Variants in ITPKC observed in about 807,000 individuals in gnomAD.
ITPKC encodes IP3 3-kinase C.
In ITPKC, 33 loss-of-function variants were observed where a neutral mutation model predicts 67.1. The observed-to-expected ratio is 0.49, with a 90% CI of 0.37 to 0.66. The LOEUF (loss-of-function observed/expected upper bound fraction) is 0.66, where lower values mean the gene tolerates loss of function less well. ITPKC is among the 30% of genes least tolerant of loss of function. The probability of loss-of-function intolerance (pLI) is 0.00; values close to 1 mark genes in which losing one functional copy is unlikely to be tolerated. For missense variants in ITPKC, 820 were observed against 892.1 expected, an observed-to-expected ratio of 0.92 and a Z score of 1.03; for synonymous variants, 341 against 359.8, an observed-to-expected ratio of 0.95 and a Z score of 0.59.
At chr19:40,725,871 A>C (rs547947424) in intron 2 of ITPKC, among the ~76,000 whole-genome samples, 2 of 152,192 alleles carry the variant, frequency 1.3e-5, no homozygotes, top group Non-Finnish European at 2.9e-5. Flanking sequence ...TGGCAGGCCA[A>C]AACAGGAGGA....
chr19:40,717,302 G>A lies in ITPKC; in HGVS notation c.167G>A (p.Gly56Asp). 6.6e-7 allele frequency: 1 copy of A among 1,512,332 alleles called. No homozygotes were observed. The allele number at this position is 1,512,332 out of a possible 1,614,324, so 93.7% of individuals were successfully genotyped here. ...AGAPAGRPEG[G>D]GPWARTEGSS... Reference sequence around the variant, plus strand: ...GCCCCGGCGGGGCGGCCGGAGGGGGGCGGGCCCTGGGCCCGGACAGAGGGG... The same window carrying A: ...GCCCCGGCGGGGCGGCCGGAGGGGGACGGGCCCTGGGCCCGGACAGAGGGG... The change falls in exon 1 of 7, where the codon GGC (glycine) becomes GAC (aspartate). Residue 56 changes from glycine (G) to aspartate (D), a missense_variant. Around this residue, in one of 2 missense-constraint regions of ITPKC, gnomAD observed 481 missense variants for 470.1 expected, o/e 1.02. Coordinates refer to ENST00000263370, the MANE Select transcript of ITPKC (RefSeq NM_025194.3).
intron 5 of ITPKC, 42 bp from the exon 6 acceptor site, chr19:40,737,656 C>T (rs747986926): frequency 6.3e-7 from 1 of 1,583,498 alleles, no homozygotes; most frequent in South Asian, 1.1e-5. Flanking sequence ...CAAGGCCCCA[C>T]AAAGTCCCCA....
intron 2 of ITPKC, among the ~76,000 whole-genome samples, chr19:40,726,447 G>C (rs765739503): frequency 1.3e-5 from 2 of 152,174 alleles, no homozygotes; most frequent in African/African-American, 4.8e-5. Context: ...AATATCTTAG[G>C]TTTTGTGGGC....
chr19:40,735,891 A>C (rs573259697), intron 4 of ITPKC, among the ~76,000 whole-genome samples: 9 of 152,254 alleles, frequency 5.9e-5, no homozygotes, highest in African/African-American at 2.2e-4. Flanking sequence ...GGTTTCCTCT[A>C]ATCCTTACAC....
intron 1 of ITPKC, among the ~76,000 whole-genome samples, chr19:40,724,301 C>G (rs4802087): frequency 0.49 from 74,568 of 152,036 alleles, 18,887 homozygotes; most frequent in South Asian, 0.6. Context: ...GGGATGGGAG[C>G]ATCGCTTGAG....
In ITPKC at chr19:40,718,081, T is replaced by A. The variant is rs377575949; in HGVS notation, c.946T>A (p.Tyr316Asn). 2.0e-5 allele frequency: 33 copies of A among 1,613,858 alleles called. No individual in the cohort carries two copies. Among genetic ancestry groups the A allele is most frequent in the Non-Finnish European group, 2.5e-5 (30 of 1,180,010 alleles). Residue 316 changes from tyrosine (Y) to asparagine (N), a missense_variant, in exon 1 of 7, where the codon TAC (tyrosine) becomes AAC (asparagine). By Grantham distance (143) the Tyr-to-Asn change is moderately radical. This residue lies in a region of ITPKC where 481 missense variants were observed against 470.1 expected (regional missense o/e 1.02). Coordinates refer to ENST00000263370, the MANE Select transcript of ITPKC (RefSeq NM_025194.3). Reference protein sequence around the residue: ...PEPGELLTHLYSHLKCSPLCP... With the variant: ...PEPGELLTHLNSHLKCSPLCP... ...GCCTGGAGAATTGCTGACTCACCTGTACTCTCACCTGAAGTGTAGCCCCCT... is the reference window on the plus strand; with the variant it reads ...GCCTGGAGAATTGCTGACTCACCTGAACTCTCACCTGAAGTGTAGCCCCCT...
intron 1 of ITPKC, among the ~76,000 whole-genome samples, chr19:40,721,478 C>G (rs2082222158): frequency 6.6e-6 from 1 of 151,686 alleles, no homozygotes; most frequent in South Asian, 2.1e-4. Flanking sequence ...TCAAGTGATT[C>G]TCCTGCCTCG....
At chr19:40,722,794 TG>T (rs1268310629) in intron 1 of ITPKC, among the ~76,000 whole-genome samples, 3 of 152,112 alleles carry the variant, frequency 2.0e-5, no homozygotes, top group Non-Finnish European at 4.4e-5. Context: ...CTTATTTTTT[TG>T]AGTCAGGGTC....
At chr19:40,735,591 C>T (rs1313520980) in intron 4 of ITPKC, among the ~76,000 whole-genome samples, 2 of 152,106 alleles carry the variant, frequency 1.3e-5, no homozygotes, top group African/African-American at 2.4e-5. Context: ...GAAGCCCTCC[C>T]TGATTTCTGT....
chr19:40,718,993 A>G (rs7257602), intron 1 of ITPKC, among the ~76,000 whole-genome samples: 68,112 of 151,906 alleles, frequency 0.45, 15,815 homozygotes, highest in Admixed American at 0.55. Context: ...CTGGTGAATC[A>G]GGAGGACCGG....
rs377600681 is a variant in ITPKC, at chr19:40,725,172, GAACTAAGTGGGGCTCACTCACCCC to G, written c.1156-164_1156-141del. Among the ~76,000 whole-genome samples, 235 of 152,154 alleles carry G rather than the reference GAACTAAGTGGGGCTCACTCACCCC, an allele frequency of 1.5e-3. 3 individuals carry two copies. Among genetic ancestry groups the G allele is most frequent in the African/African-American group, 5.3e-3 (218 of 41,490 alleles). ...GGCTTTGGGCGATCATGTGATTGCC[GAACTAAGTGGGGCTCACTCACCCC>G]AACAAGCCTGGGAACAGTGATCCCA... On this transcript the variant is annotated intron_variant, in intron 1 of 6. Transcript: ENST00000263370.
chr19:40,737,105 G>A lies in ITPKC; in HGVS notation c.1776+18G>A. The A allele has an allele frequency of 6.9e-7, 1 of 1,454,836 alleles. No homozygotes were observed. The highest frequency in any genetic ancestry group is 1.4e-5 in the African/African-American group (1 of 71,432). 90.1% of individuals were successfully genotyped at this position (1,454,836 alleles called of 1,614,324 possible). On this transcript the variant is annotated intron_variant, in intron 5 of 6. Coordinates refer to ENST00000263370, the MANE Select transcript of ITPKC (RefSeq NM_025194.3). ...TCATCCTGGTGAGTGGGACACCCAT[G>A]TCCCAGAATGTAGCAGCTTAAGACA...
intron 6 of ITPKC, among the ~76,000 whole-genome samples, 168 bp downstream of exon 6, chr19:40,737,937 G>T (rs946861608): frequency 6.8e-6 from 1 of 147,956 alleles, no homozygotes; most frequent in Non-Finnish European, 1.5e-5. Flanking sequence ...GATTGCTGGA[G>T]CCCAGGAGTG....
At chr19:40,731,607 T>TG (rs1408392284) in intron 3 of ITPKC, among the ~76,000 whole-genome samples, 6 of 138,598 alleles carry the variant, frequency 4.3e-5, no homozygotes, top group Non-Finnish European at 8.0e-5. Context: ...TTTTTTTTTT[T>TG]TTTTTTTTTT....
chr19:40,726,989 C>T (rs1239985787), intron 2 of ITPKC, among the ~76,000 whole-genome samples: 1 of 152,098 alleles, frequency 6.6e-6, no homozygotes, highest in African/African-American at 2.4e-5. Context: ...ATGCAGTGAG[C>T]CTTGATCGCA....
At chr19:40,733,024 G>A in intron 3 of ITPKC, 136 bp from the exon 4 acceptor site, 1 of 680,562 alleles carries the variant, frequency 1.5e-6, no homozygotes. Context: ...GTGTGTCTTT[G>A]TGGACTCTGT....
At chr19:40,733,114 A>G (rs750239828) in intron 3 of ITPKC, 46 bp from the exon 4 acceptor site, 3 of 1,549,998 alleles carry the variant, frequency 1.9e-6, no homozygotes, top group Non-Finnish European at 2.7e-6. Context: ...TAAGCCCTCC[A>G]GTTTGTTCTA....
chr19:40,718,459 A>G (rs534246204), intron 1 of ITPKC, among the ~76,000 whole-genome samples, 169 bp downstream of exon 1: 4 of 152,110 alleles, frequency 2.6e-5, no homozygotes, highest in Non-Finnish European at 5.9e-5. Flanking sequence ...CAGGTTACTA[A>G]TTCACTCCAG....
chr19:40,739,244 A>G (rs1475257726), intron 6 of ITPKC, 113 bp from the exon 7 acceptor site: 3 of 721,960 alleles, frequency 4.2e-6, no homozygotes, highest in Non-Finnish European at 6.9e-6. Flanking sequence ...GATATGAATC[A>G]GGCAGCCAGG....
Sources: allele counts gnomAD v4.1 joint callset (sites outside exome capture counted in the v4.1 genomes callset), GRCh38; gene constraint gnomAD v4.1.1; regional missense constraint gnomAD v4.1.1; transcripts MANE v1.5; gene names NCBI Gene and HGNC (gene_info 2026-07-23, HGNC 2026-07-21).